Variants in NEMF observed in about 807,000 individuals in gnomAD.
NEMF encodes ribosome quality control complex subunit NEMF.
In NEMF, 89 loss-of-function variants were observed where a neutral mutation model predicts 162.2. That is an observed-to-expected ratio of 0.55 (90% CI 0.46 to 0.65). NEMF has a LOEUF of 0.65. NEMF is among the 30% of genes least tolerant of loss of function. The pLI, the probability that NEMF is intolerant of heterozygous loss-of-function variation, is 0.00. For synonymous variants in NEMF, 421 were observed against 404.5 expected, an observed-to-expected ratio of 1.04 and a Z score of -0.49; for missense variants, 1,133 against 1,261.9, an observed-to-expected ratio of 0.90 and a Z score of 1.55.
At chr14:49,821,360 T>TG (rs1399074511) in intron 16 of NEMF, among the ~76,000 whole-genome samples, 2 of 1,870 alleles carry the variant, frequency 1.1e-3, no homozygotes, top group African/African-American at 1.2e-3. Context: ...GGGAGGGAGG[T>TG]GGGGGGGGTC....
chr14:49,792,531 A>C (rs982867611), intron 26 of NEMF, among the ~76,000 whole-genome samples: 1 of 152,154 alleles, frequency 6.6e-6, no homozygotes, highest in South Asian at 2.1e-4. Context: ...ATTTTATACA[A>C]AGTTCTAGAG....
intron 16 of NEMF, among the ~76,000 whole-genome samples, chr14:49,817,732 A>C (rs1594764908): frequency 6.6e-6 from 1 of 152,038 alleles, no homozygotes; most frequent in East Asian, 1.9e-4. Flanking sequence ...AACTTTAGAC[A>C]AAGTCTTTAA....
In NEMF at chr14:49,800,502, C is replaced by A; in HGVS notation, c.2290G>T (p.Val764Phe). The change falls in exon 23 of 33, where the codon GTT becomes TTT. Residue 764 changes from valine to phenylalanine, a missense_variant. By Grantham distance (50) the Val-to-Phe change is conservative (BLOSUM62 -1). Coordinates refer to ENST00000298310, the MANE Select transcript of NEMF (RefSeq NM_004713.6). ...YEEVRKDQDSVGEMKDEGEET... is the reference protein window; with the variant it reads ...YEEVRKDQDSFGEMKDEGEET... The stretch of plus-strand genomic sequence containing the variant: ...TCCCCTTCATCCTTCATTTCACCAA[C>A]AGAATCCTGATCTTTTCTAACCTCT... 6.2e-7 allele frequency: 1 copy of A among 1,613,958 alleles called. No individual in the cohort carries two copies. The highest frequency in any genetic ancestry group is 8.5e-7 in the Non-Finnish European group (1 of 1,179,858).
At chr14:49,845,255 G>A (rs747859194) in intron 4 of NEMF, among the ~76,000 whole-genome samples, 23 of 151,986 alleles carry the variant, frequency 1.5e-4, no homozygotes, top group Admixed American at 2.0e-4. Flanking sequence ...ACCACGCCCA[G>A]CTAATTTTTG....
At chr14:49,823,902 C>G (rs1434953861) in intron 16 of NEMF, among the ~76,000 whole-genome samples, 4 of 152,188 alleles carry the variant, frequency 2.6e-5, no homozygotes, top group Admixed American at 6.5e-5. Flanking sequence ...GGTGTGATGG[C>G]TCAAGCCTGT....
chr14:49,840,461 CAAA>C (rs10706756), intron 5 of NEMF, among the ~76,000 whole-genome samples: 7 of 140,830 alleles, frequency 5.0e-5, no homozygotes, highest in Non-Finnish European at 6.2e-5. Flanking sequence ...GACTCCATCT[CAAA>C]AAAAAAAAAA....
chr14:49,828,253 A>C (rs767574724), intron 15 of NEMF, 38 bp downstream of exon 15: 1 of 1,363,978 alleles, frequency 7.3e-7, no homozygotes, highest in Non-Finnish European at 1.0e-6. Flanking sequence ...TTACGCAGGC[A>C]CAAACAACTA....
chr14:49,782,950 T>G lies in NEMF; in HGVS notation c.*1686A>C. The G allele has an allele frequency of 6.2e-7, 1 of 1,611,514 alleles. No individual in the cohort carries two copies. The highest frequency in any genetic ancestry group is 8.5e-7 in the Non-Finnish European group (1 of 1,179,056). On this transcript the variant is annotated 3_prime_UTR_variant, in exon 33 of 33. Coordinates refer to ENST00000298310, the MANE Select transcript of NEMF (RefSeq NM_004713.6). ...TTGGTAGTAACAACACTTCTGGATC[T>G]TAAGGCTTCATAAATAATGCCTATG...
In NEMF at chr14:49,789,232, C is replaced by G; in HGVS notation, c.2809G>C (p.Asp937His). 6.2e-7 allele frequency: 1 copy of G among 1,614,134 alleles called. No homozygotes were observed. The highest frequency in any genetic ancestry group is 8.5e-7 in the Non-Finnish European group (1 of 1,179,984). ...QKPRGGQRVS[D>H]NIKKETPFLE... Reference sequence around the variant, plus strand: ...AACGGAGTTTCTTTCTTAATGTTGTCAGAGACCCTCTGTCCACCTCTAGGT... The same window carrying G: ...AACGGAGTTTCTTTCTTAATGTTGTGAGAGACCCTCTGTCCACCTCTAGGT... The change falls in exon 28 of 33, where the codon GAC becomes CAC. Residue 937 changes from aspartate (D) to histidine (H), a missense_variant. By Grantham distance (81) the Asp-to-His change is moderately conservative. Transcript: ENST00000298310.
At chr14:49,827,678 TGGCGGGCGCC>T (rs1195213662) in intron 15 of NEMF, among the ~76,000 whole-genome samples, 1 of 151,906 alleles carries the variant, frequency 6.6e-6, no homozygotes. Flanking sequence ...CTGGGTGTGG[TGGCGGGCGCC>T]TGTAATCCCA....
rs1202809761 is a variant in NEMF, at chr14:49,782,229, T to TAAGA, written c.*2403_*2406dup. Reference sequence around the variant, plus strand: ...TTGATCTGCTTTTGCTACTTTCCCTTAAGATTTTACTTCTCGCCATGATGT... The same window carrying TAAGA: ...TTGATCTGCTTTTGCTACTTTCCCTTAAGAAAGATTTTACTTCTCGCCATGATGT... On this transcript the variant is annotated 3_prime_UTR_variant, in exon 33 of 33. Coordinates refer to ENST00000298310, the MANE Select transcript of NEMF (RefSeq NM_004713.6). 1.8e-6 allele frequency: 1 copy of TAAGA among 552,242 alleles called. No homozygotes were observed. Among genetic ancestry groups the TAAGA allele is most frequent in the African/African-American group, 1.9e-5 (1 of 51,466 alleles). The allele number at this position is 552,242 out of a possible 1,614,324, so 34.2% of individuals were successfully genotyped here.
rs375970434 is a variant in NEMF, at chr14:49,829,373, T to C, written c.999A>G (p.Arg333=). The part of the protein sequence containing the change: ...LDNVRKDHEN[R]LEALQQAQEI... Reference sequence around the variant, plus strand: ...CCTGAGCCTGCTGAAGAGCTTCCAATCTGTTTTCGTGATCCTTTCGAACAT... The same window carrying C: ...CCTGAGCCTGCTGAAGAGCTTCCAACCTGTTTTCGTGATCCTTTCGAACAT... The change falls in exon 12 of 33, where the codon AGA becomes AGG. Residue 333 remains arginine, a synonymous_variant. Coordinates refer to ENST00000298310, the MANE Select transcript of NEMF (RefSeq NM_004713.6). 9.3e-6 allele frequency: 15 copies of C among 1,614,036 alleles called. No individual in the cohort carries two copies. The highest frequency in any genetic ancestry group is 1.3e-5 in the African/African-American group (1 of 74,944).
intron 4 of NEMF, among the ~76,000 whole-genome samples, chr14:49,841,196 C>CAAAAA (rs34039009): frequency 1.1e-4 from 6 of 56,800 alleles, no homozygotes; most frequent in African/African-American, 1.5e-4. Flanking sequence ...AACTCTGTCT[C>CAAAAA]AAAAAAAAAA....
intron 16 of NEMF, among the ~76,000 whole-genome samples, chr14:49,819,857 G>A (rs1891909843): frequency 6.6e-6 from 1 of 152,140 alleles, no homozygotes; most frequent in South Asian, 2.1e-4. Context: ...CACTTGCTCT[G>A]AGGGTGTAGG....
chr14:49,829,712 A>C (rs1892544916), intron 11 of NEMF, among the ~76,000 whole-genome samples: 1 of 152,238 alleles, frequency 6.6e-6, no homozygotes, highest in Non-Finnish European at 1.5e-5. Context: ...TTATTCAAAC[A>C]GGCAGAAATC....
At chr14:49,830,095 A>C (rs1892564722) in intron 11 of NEMF, among the ~76,000 whole-genome samples, 1 of 152,222 alleles carries the variant, frequency 6.6e-6, no homozygotes. Context: ...TTGGGGGACA[A>C]AATTTCTAAC....
rs1323054652 is a variant in NEMF, at chr14:49,795,782, G to A, written c.2619+9C>T. 2.5e-6 allele frequency: 4 copies of A among 1,604,658 alleles called. No homozygotes were observed. The highest frequency in any genetic ancestry group is 1.3e-5 in the African/African-American group (1 of 74,104). ...AACTGTGAACCATATAGATCATCCT[G>A]AAGTTTACCTTTTGTCCTCGTTTCA... is the stretch of plus-strand genomic sequence containing the variant. On this transcript the variant is annotated intron_variant, in intron 26 of 32. Transcript: ENST00000298310.
At chr14:49,848,560 G>C (rs968475256) in intron 3 of NEMF, among the ~76,000 whole-genome samples, 11 of 152,174 alleles carry the variant, frequency 7.2e-5, no homozygotes, top group East Asian at 3.9e-4. Context: ...ATACGGTCTG[G>C]GTATGGCAGC....
At chr14:49,784,736 T>C (rs1890077439) in intron 32 of NEMF, 23 bp from the exon 33 acceptor site, 1 of 1,581,086 alleles carries the variant, frequency 6.3e-7, no homozygotes, top group African/African-American at 1.3e-5. Flanking sequence ...AATTGCTGAA[T>C]ATCTTCACAT....
Sources: allele counts gnomAD v4.1 joint callset (sites outside exome capture counted in the v4.1 genomes callset), GRCh38; gene constraint gnomAD v4.1.1; transcripts MANE v1.5; gene names NCBI Gene and HGNC (gene_info 2026-07-23, HGNC 2026-07-21).